TRAPPC12: variants seen among roughly 807,000 people sequenced by gnomAD.
TRAPPC12 encodes TPR repeat protein 15.
A neutral mutation model predicts 69.2 loss-of-function variants in TRAPPC12; 61 were observed. The ratio of observed to expected loss-of-function variants is 0.88; its 90% CI spans 0.72 to 1.09. TRAPPC12 has a LOEUF of 1.09. Ranked by LOEUF, TRAPPC12 falls within the 50% of genes least tolerant of loss-of-function variation. TRAPPC12 has a pLI of 0.00. For missense variants in TRAPPC12, 1,101 were observed against 1,016.4 expected (o/e 1.08, Z -1.13); for synonymous variants, 469 against 438.9 (o/e 1.07, Z -0.86).
At chr2:3,447,996 G>A (rs143363228) in intron 6 of TRAPPC12, among the ~76,000 whole-genome samples, 3 of 152,108 alleles carry the variant, frequency 2.0e-5, no homozygotes, top group Non-Finnish European at 4.4e-5. Context: ...CAAACCACAC[G>A]CACACACACA....
intron 10 of TRAPPC12, among the ~76,000 whole-genome samples, chr2:3,478,506 C>T (rs1298147335): frequency 3.3e-5 from 5 of 152,238 alleles, no homozygotes; most frequent in South Asian, 4.1e-4. Flanking sequence ...TGGTGGCAGT[C>T]GCCTGTAATC....
chr2:3,448,069 A>G (rs539776535), intron 6 of TRAPPC12, among the ~76,000 whole-genome samples: 2 of 152,230 alleles, frequency 1.3e-5, no homozygotes, highest in African/African-American at 4.8e-5. Flanking sequence ...TTAACGCTGC[A>G]TGGATGTGTG....
chr2:3,430,091 A>G (rs183439603), intron 5 of TRAPPC12, among the ~76,000 whole-genome samples: 1 of 152,330 alleles, frequency 6.6e-6, no homozygotes, highest in African/African-American at 2.4e-5. Context: ...GTAAATGTAC[A>G]TCATGAGCAT....
intron 3 of TRAPPC12, among the ~76,000 whole-genome samples, chr2:3,421,026 C>T (rs1475999768): frequency 6.6e-6 from 1 of 152,238 alleles, no homozygotes; most frequent in African/African-American, 2.4e-5. Flanking sequence ...GCCAGCCTTG[C>T]AGTCTCTGTC....
chr2:3,408,323 G>A (rs545129478), intron 3 of TRAPPC12, among the ~76,000 whole-genome samples: 1 of 152,336 alleles, frequency 6.6e-6, no homozygotes, highest in African/African-American at 2.4e-5. Context: ...GTCTTGCAGA[G>A]CAATTTAACA....
chr2:3,403,313 A>G (rs541881153), intron 3 of TRAPPC12, among the ~76,000 whole-genome samples: 50 of 145,218 alleles, frequency 3.4e-4, no homozygotes, highest in Non-Finnish European at 6.5e-4. Flanking sequence ...GCTCACTGCA[A>G]CCTCCACCTC....
At chr2:3,479,046 C>A in intron 11 of TRAPPC12, 113 bp downstream of exon 11, 1 of 1,480,138 alleles carries the variant, frequency 6.8e-7, no homozygotes, top group Non-Finnish European at 9.2e-7. Context: ...AGTCCACCAG[C>A]TCCAGGCAGT....
At position 3,414,581 on chromosome 2, in the gene TRAPPC12, G is replaced by A. The variant is rs1406122592; in HGVS notation, c.1165-7300G>A. 8.5e-5 allele frequency among the ~76,000 whole-genome samples: 12 copies of A among 141,012 alleles called. No individual in the cohort carries two copies. Among genetic ancestry groups the A allele is most frequent in the East Asian group, 2.2e-4 (1 of 4,472 alleles). 92.5% of individuals were successfully genotyped at this position (141,012 alleles called of 152,430 possible). ...GTCCCCGCTGTGCAGTGCCTTGAACGTGCTCTGCCGTGTGTCGGCCCGTTT... is the reference window on the plus strand; with the variant it reads ...GTCCCCGCTGTGCAGTGCCTTGAACATGCTCTGCCGTGTGTCGGCCCGTTT... On this transcript the variant is annotated intron_variant, in intron 3 of 11. Coordinates refer to ENST00000324266, the MANE Select transcript of TRAPPC12 (RefSeq NM_016030.6). This position sits in a 1 kb window ranked among gnomAD's most constrained non-coding sequence, Gnocchi z 4.9.
intron 9 of TRAPPC12, among the ~76,000 whole-genome samples, chr2:3,471,298 C>G (rs948044448): frequency 6.6e-5 from 10 of 152,200 alleles, no homozygotes; most frequent in African/African-American, 2.2e-4. Context: ...GAAACCCTGG[C>G]TCAAATTACA....
chr2:3,453,387 C>T (rs1664956243), intron 6 of TRAPPC12, among the ~76,000 whole-genome samples: 1 of 152,182 alleles, frequency 6.6e-6, no homozygotes, highest in Non-Finnish European at 1.5e-5. Context: ...CCTTTCTGCC[C>T]CTCGGCCCCT....
chr2:3,473,284 A>G (rs747978244), intron 9 of TRAPPC12, among the ~76,000 whole-genome samples: 2 of 152,242 alleles, frequency 1.3e-5, no homozygotes, highest in Non-Finnish European at 2.9e-5. Flanking sequence ...CAAGAAAAAC[A>G]TGGAAGAGAA....
chr2:3,462,746 G>A (rs1665575390), intron 8 of TRAPPC12: 2 of 357,792 alleles, frequency 5.6e-6, no homozygotes, highest in South Asian at 2.1e-5. Flanking sequence ...TAGCCTTAGG[G>A]CACCTGCACT....
At chr2:3,459,847 A>AG (rs1665390078) in intron 7 of TRAPPC12, 1 of 310,612 alleles carries the variant, frequency 3.2e-6, no homozygotes, top group Admixed American at 4.9e-5. Context: ...GGCCTCCCAT[A>AG]GGTCAACTGC....
At chr2:3,393,424 A>G (rs576402426) in intron 2 of TRAPPC12, among the ~76,000 whole-genome samples, 1 of 152,202 alleles carries the variant, frequency 6.6e-6, no homozygotes, top group Non-Finnish European at 1.5e-5. Context: ...TACATTTAAC[A>G]TGGTGACTAT....
intron 5 of TRAPPC12, among the ~76,000 whole-genome samples, chr2:3,431,213 G>A (rs1214010119): frequency 6.6e-6 from 1 of 152,224 alleles, no homozygotes; most frequent in African/African-American, 2.4e-5. Context: ...GAGTACAGTG[G>A]GATGCACTTA....
intron 5 of TRAPPC12, among the ~76,000 whole-genome samples, chr2:3,442,665 T>C (rs898361896): frequency 1.3e-5 from 2 of 152,230 alleles, no homozygotes; most frequent in African/African-American, 2.4e-5. Context: ...ATAGTGTTCC[T>C]TAATTTTGAC....
At position 3,388,201 on chromosome 2, in the gene TRAPPC12, C is replaced by G; in HGVS notation, c.578C>G (p.Ala193Gly). 2 of 1,609,372 alleles carry G rather than the reference C, an allele frequency of 1.2e-6. No individual in the cohort carries two copies. Among genetic ancestry groups the G allele is most frequent in the Admixed American group, 1.7e-5 (1 of 59,808 alleles). Reference protein sequence around the residue: ...PSFGGASEASARTPPQVVQPS... With the variant: ...PSFGGASEASGRTPPQVVQPS... Reference sequence around the variant, plus strand: ...TTCGGTGGCGCCAGCGAGGCCTCGGCCAGGACACCGCCCCAGGTCGTGCAG... The same window carrying G: ...TTCGGTGGCGCCAGCGAGGCCTCGGGCAGGACACCGCCCCAGGTCGTGCAG... Residue 193 changes from alanine to glycine, a missense_variant, in exon 2 of 12, where the codon GCC (alanine) becomes GGC (glycine). By Grantham distance (60) the Ala-to-Gly change is moderately conservative (BLOSUM62 0). Coordinates refer to ENST00000324266, the MANE Select transcript of TRAPPC12 (RefSeq NM_016030.6).
Position 3,388,414 on chromosome 2 carries a change from C to G in TRAPPC12, c.791C>G (p.Ala264Gly). The G allele has an allele frequency of 6.2e-7, 1 of 1,604,398 alleles. No individual in the cohort carries two copies. Among genetic ancestry groups the G allele is most frequent in the Non-Finnish European group, 8.5e-7 (1 of 1,175,628 alleles). Residue 264 changes from alanine to glycine, a missense_variant, in exon 2 of 12, where the codon GCC (alanine) becomes GGC (glycine). Transcript: ENST00000324266. ...PGTEGRPEPV[A>G]MRGPQAAAPP... ...ACCGAGGGGCGCCCCGAACCCGTGG[C>G]CATGCGAGGGCCCCAGGCAGCTGCG...
chr2:3,464,022 C>A (rs538704892), intron 8 of TRAPPC12, among the ~76,000 whole-genome samples: 2 of 152,218 alleles, frequency 1.3e-5, no homozygotes, highest in East Asian at 3.9e-4. Context: ...GTGTGCAGGC[C>A]CCACAGCTGC....
Sources: gnomAD v4.1 joint callset for allele counts (sites outside exome capture counted in the v4.1 genomes callset) on GRCh38, gnomAD v4.1.1 for gene constraint, Gnocchi (gnomAD v3.1) non-coding constraint, MANE v1.5 for transcripts, NCBI Gene and HGNC (gene_info 2026-07-23, HGNC 2026-07-21) for gene names.